The following AGBL4 variants were observed in gnomAD, a reference collection of about 807,000 sequenced individuals.
AGBL4 encodes cytosolic carboxypeptidase 6.
AGBL4 carries 58 observed loss-of-function variants against 66.4 expected under a neutral mutation model. That is an observed-to-expected ratio of 0.87 (90% CI 0.71 to 1.09). The LOEUF is 1.09. Ranked by LOEUF, AGBL4 falls within the 50% of genes least tolerant of loss-of-function variation. The probability of loss-of-function intolerance (pLI) is 0.00; values close to 1 mark genes in which losing one functional copy is unlikely to be tolerated. For missense variants in AGBL4, 579 were observed against 631.0 expected, an observed-to-expected ratio of 0.92 and a Z score of 0.88; for synonymous variants, 234 against 222.9, an observed-to-expected ratio of 1.05 and a Z score of -0.44.
intron 3 of AGBL4, among the ~76,000 whole-genome samples, chr1:49,275,275 A>G (rs2148394198): frequency 6.6e-6 from 1 of 152,256 alleles, no homozygotes; most frequent in South Asian, 2.1e-4. Context: ...AGACCTGTGG[A>G]AAATAAAATA....
chr1:48,929,782 T>G (rs556324114), intron 5 of AGBL4, among the ~76,000 whole-genome samples: 1 of 152,306 alleles, frequency 6.6e-6, no homozygotes, highest in African/African-American at 2.4e-5. Context: ...TTCCTAGAGA[T>G]TCTCCAGGCT....
chr1:49,840,471 A>T (rs1002847950), intron 2 of AGBL4, among the ~76,000 whole-genome samples: 3 of 152,152 alleles, frequency 2.0e-5, no homozygotes, highest in African/African-American at 7.2e-5. Flanking sequence ...TCCTAGTGAA[A>T]CTATTCCAAA....
chr1:49,323,448 ATTTTTTTT>A (rs11295329), intron 3 of AGBL4, among the ~76,000 whole-genome samples: 2 of 114,888 alleles, frequency 1.7e-5, no homozygotes, highest in African/African-American at 6.8e-5. Context: ...TGCCTGGCTA[ATTTTTTTT>A]TTTTTTTTTT....
At chr1:49,943,146 A>C (rs1654919471) in intron 1 of AGBL4, among the ~76,000 whole-genome samples, 1 of 152,160 alleles carries the variant, frequency 6.6e-6, no homozygotes, top group Non-Finnish European at 1.5e-5. Context: ...AATGGTTATG[A>C]GCAAAGAGAC....
At chr1:49,995,088 T>TC (rs1313425025) in intron 1 of AGBL4, 1 of 455,430 alleles carries the variant, frequency 2.2e-6, no homozygotes, top group African/African-American at 2.0e-5. Context: ...GAAGGAAACT[T>TC]CCAGCTGAAC....
intron 6 of AGBL4, among the ~76,000 whole-genome samples, chr1:48,680,087 T>A (rs1342347625): frequency 4.6e-5 from 7 of 152,246 alleles, no homozygotes; most frequent in Non-Finnish European, 8.8e-5. Context: ...GTCAGCCAGA[T>A]CAATTCCCAG....
At chr1:49,844,578 C>A (rs1010352361) in intron 2 of AGBL4, 2 of 1,037,494 alleles carry the variant, frequency 1.9e-6, no homozygotes, top group African/African-American at 1.6e-5. Context: ...AAGCCACTTG[C>A]ACCTTGAACA....
At chr1:49,395,709 C>A (rs1644944908) in intron 3 of AGBL4, among the ~76,000 whole-genome samples, 1 of 145,120 alleles carries the variant, frequency 6.9e-6, no homozygotes, top group Admixed American at 7.1e-5. Flanking sequence ...TTCCACAAAA[C>A]CAGTCCCTGG....
chr1:48,750,903 A>C (rs1241844666), intron 6 of AGBL4, among the ~76,000 whole-genome samples: 3 of 152,120 alleles, frequency 2.0e-5, no homozygotes, highest in African/African-American at 7.2e-5. Context: ...ATTACCCCCC[A>C]CACTCAGAGT....
intron 3 of AGBL4, among the ~76,000 whole-genome samples, chr1:49,478,057 C>T (rs778885566): frequency 6.6e-6 from 1 of 151,534 alleles, no homozygotes; most frequent in Non-Finnish European, 1.5e-5. Flanking sequence ...AGAAGAAAGC[C>T]TGCTTGCAGG....
chr1:48,540,947 C>T (rs1427285284), intron 11 of AGBL4, among the ~76,000 whole-genome samples: 1 of 152,174 alleles, frequency 6.6e-6, no homozygotes, highest in Non-Finnish European at 1.5e-5. Context: ...TGTCACTCAG[C>T]TGAATAAAAC....
chr1:49,628,123 T>C (rs1290103237), intron 3 of AGBL4, among the ~76,000 whole-genome samples: 1 of 152,306 alleles, frequency 6.6e-6, no homozygotes, highest in East Asian at 1.9e-4. Context: ...TGCCAGGAGC[T>C]GTTTCTCAAA....
intron 1 of AGBL4, among the ~76,000 whole-genome samples, chr1:49,867,682 C>T (rs934413974): frequency 2.6e-5 from 4 of 152,076 alleles, no homozygotes; most frequent in Non-Finnish European, 5.9e-5. Flanking sequence ...TGAAGGAATT[C>T]ATTGCCACCA....
intron 2 of AGBL4, among the ~76,000 whole-genome samples, chr1:49,766,278 C>A (rs1164340539): frequency 6.6e-6 from 1 of 152,072 alleles, no homozygotes. Flanking sequence ...AGATTAGGGG[C>A]CTATTTTCAG....
At chr1:49,941,903 GAAATAAAAGGAATCCA>G (rs1359010500) in intron 1 of AGBL4, among the ~76,000 whole-genome samples, 1 of 151,828 alleles carries the variant, frequency 6.6e-6, no homozygotes, top group Non-Finnish European at 1.5e-5. Flanking sequence ...GCAAGAAAAA[GAAATAAAAGGAATCCA>G]AAATGGAATG....
intron 2 of AGBL4, among the ~76,000 whole-genome samples, chr1:49,706,601 T>C (rs1184068131): frequency 3.9e-5 from 6 of 152,178 alleles, no homozygotes; most frequent in Non-Finnish European, 7.3e-5. Flanking sequence ...TTTGAATTTC[T>C]TTCCTCTTGC....
intron 3 of AGBL4, among the ~76,000 whole-genome samples, chr1:49,350,234 C>T (rs1645723638): frequency 7.0e-6 from 1 of 142,002 alleles, no homozygotes; most frequent in Non-Finnish European, 1.5e-5. Flanking sequence ...GACGGAGTCT[C>T]GCTCTGTCGC....
At chr1:49,491,792 T>A (rs1647189170) in intron 3 of AGBL4, among the ~76,000 whole-genome samples, 1 of 151,956 alleles carries the variant, frequency 6.6e-6, no homozygotes, top group African/African-American at 2.4e-5. Context: ...GCTCATGTTC[T>A]TTCCAAAATG....
chr1:49,768,056 C>T (rs1254844020), intron 2 of AGBL4, among the ~76,000 whole-genome samples: 8 of 151,712 alleles, frequency 5.3e-5, no homozygotes, highest in African/African-American at 1.9e-4. Context: ...AAAATGAGCC[C>T]TAGACCTGAT....
Sources: allele counts gnomAD v4.1 joint callset (sites outside exome capture counted in the v4.1 genomes callset), GRCh38; gene constraint gnomAD v4.1.1; transcripts MANE v1.5; gene names NCBI Gene and HGNC (gene_info 2026-07-23, HGNC 2026-07-21).